OPN4: variants seen among roughly 807,000 people sequenced by gnomAD.
OPN4 encodes opsin 4.
OPN4 carries 43 observed loss-of-function variants against 49.5 expected under a neutral mutation model. The observed-to-expected ratio is 0.87, with a 90% CI of 0.68 to 1.12. The LOEUF (loss-of-function observed/expected upper bound fraction) is 1.12, where lower values mean the gene tolerates loss of function less well. Ranked by LOEUF, OPN4 falls within the 50% of genes most tolerant of loss-of-function variation. OPN4 has a pLI of 0.00. For synonymous variants in OPN4, 263 were observed against 258.0 expected, an observed-to-expected ratio of 1.02 and a Z score of -0.19; for missense variants, 657 against 643.9, an observed-to-expected ratio of 1.02 and a Z score of -0.22.
intron 7 of OPN4, among the ~76,000 whole-genome samples, chr10:86,661,745 C>T (rs1844013588): frequency 7.1e-6 from 1 of 140,832 alleles, no homozygotes; most frequent in South Asian, 2.5e-4. Flanking sequence ...GCAGGGAGAG[C>T]TCAGCTCTGC....
At position 86,659,951 on chromosome 10, in the gene OPN4, A is replaced by T; in HGVS notation, c.857A>T (p.Gln286Leu). 1 of 1,614,186 alleles carries T rather than the reference A, an allele frequency of 6.2e-7. No individual in the cohort carries two copies. The highest frequency in any genetic ancestry group is 8.5e-7 in the Non-Finnish European group (1 of 1,180,030). The change falls in exon 6 of 10, where the codon CAG becomes CTG. Residue 286 changes from glutamine to leucine, a missense_variant. By Grantham distance (113) the Gln-to-Leu change is moderately radical. Coordinates refer to ENST00000241891, the MANE Select transcript of OPN4 (RefSeq NM_033282.4). ...AATGGCGAGTCCCTGTGGCAGCGGC[A>T]GCGGCTGCAGAGCGAGTGCAAGATG... ...KGNGESLWQR[Q>L]RLQSECKMAK... is the part of the protein sequence containing the mutation.
chr10:86,662,279 C>T lies in OPN4; in HGVS notation c.1101C>T (p.Cys367=), dbSNP rs768426883. 6.2e-7 allele frequency: 1 copy of T among 1,609,826 alleles called. No homozygotes were observed. Among genetic ancestry groups the T allele is most frequent in the South Asian group, 1.1e-5 (1 of 90,152 alleles). The part of the protein sequence containing the change: ...YRVAIAQHLP[C]LGVLLGVSRR... ...TGGCCATTGCCCAGCACCTGCCCTG[C>T]CTGGGGGTGCTGCTGGGTGTATCAC... The change falls in exon 8 of 10, where the codon TGC becomes TGT. Residue 367 remains cysteine (C), a synonymous_variant. Transcript: ENST00000241891.
At chr10:86,664,116 G>A (rs748185267) in intron 9 of OPN4, 2 of 278,778 alleles carry the variant, frequency 7.2e-6, no homozygotes, top group Non-Finnish European at 6.8e-6. Context: ...ATGAGGGTAG[G>A]AGGTCTGCAG....
Position 86,658,046 on chromosome 10 carries a change from G to A in OPN4, c.305G>A (p.Arg102Gln), listed in dbSNP as rs375300822. 3.6e-5 allele frequency: 58 copies of A among 1,613,218 alleles called. No individual in the cohort carries two copies. The highest frequency in any genetic ancestry group is 2.6e-4 in the South Asian group (24 of 91,010). The change falls in exon 3 of 10, where the codon CGG becomes CAG. Residue 102 changes from arginine (R) to glutamine (Q), a missense_variant. Arg to Gln is a conservative substitution (Grantham distance 43). Coordinates refer to ENST00000241891, the MANE Select transcript of OPN4 (RefSeq NM_033282.4). ...GATCCTCCCAGGAGCAGAAGCCTCC[G>A]GACACCTGCCAACATGTTCATTATC... ...IYTFCRSRSL[R>Q]TPANMFIINL...
At chr10:86,656,821 T>A (rs1377500178) in intron 2 of OPN4, among the ~76,000 whole-genome samples, 2 of 151,506 alleles carry the variant, frequency 1.3e-5, no homozygotes. Context: ...GGTGTGTGCC[T>A]ATAATCCAAG....
intron 2 of OPN4, among the ~76,000 whole-genome samples, chr10:86,656,774 G>A (rs568744025): frequency 1.8e-4 from 27 of 151,942 alleles, no homozygotes; most frequent in African/African-American, 4.6e-4. Flanking sequence ...TGAAACCCCC[G>A]TCTCTACTAA....
At position 86,658,415 on chromosome 10, in the gene OPN4, G is replaced by T. The variant is rs1843920799; in HGVS notation, c.425-69G>T. 3.3e-6 allele frequency: 5 copies of T among 1,529,742 alleles called. No homozygotes were observed. In the South Asian group the frequency reaches 4.6e-5, roughly 14 times the overall value. The allele number at this position is 1,529,742 out of a possible 1,614,324, so 94.8% of individuals were successfully genotyped here. Reference sequence around the variant, plus strand: ...GTCCTGCTCTTCCTGTGAGGTGAAGGCCAGAGCAGAGTCTACCCTGTCCCC... The same window carrying T: ...GTCCTGCTCTTCCTGTGAGGTGAAGTCCAGAGCAGAGTCTACCCTGTCCCC... On this transcript the variant is annotated intron_variant, in intron 3 of 9. Transcript: ENST00000241891.
At position 86,658,496 on chromosome 10, in the gene OPN4, A is replaced by T. The variant is rs200099863; in HGVS notation, c.437A>T (p.Tyr146Phe). ...WLFGETGCEF[Y>F]AFCGALFGIS... ...GCTGTGCCCACAGGCTGCGAGTTCT[A>T]TGCCTTCTGTGGAGCTCTCTTTGGC... The change falls in exon 4 of 10, where the codon TAT becomes TTT. Residue 146 changes from tyrosine to phenylalanine, a missense_variant. Coordinates refer to ENST00000241891, the MANE Select transcript of OPN4 (RefSeq NM_033282.4). The T allele has an allele frequency of 6.2e-7, 1 of 1,614,128 alleles. No individual in the cohort carries two copies. The highest frequency in any genetic ancestry group is 8.5e-7 in the Non-Finnish European group (1 of 1,180,036).
At chr10:86,665,451 G>A (rs1291446770) in intron 9 of OPN4, among the ~76,000 whole-genome samples, 1 of 152,084 alleles carries the variant, frequency 6.6e-6, no homozygotes, top group East Asian at 1.9e-4. Context: ...GATGGTGGGG[G>A]TGAGGATGGG....
intron 8 of OPN4, among the ~76,000 whole-genome samples, chr10:86,662,842 C>G (rs944022078): frequency 6.6e-6 from 1 of 152,272 alleles, no homozygotes; most frequent in African/African-American, 2.4e-5. Context: ...GCCCCCTCCT[C>G]CTGGGAGACT....
At chr10:86,661,142 C>G in intron 6 of OPN4, 139 bp from the exon 7 acceptor site, 1 of 676,944 alleles carries the variant, frequency 1.5e-6, no homozygotes, top group Admixed American at 2.6e-5. Context: ...CCTGGCACTG[C>G]CAATTCCTCC....
rs1079610 is a variant in OPN4, at chr10:86,662,359, C to T, written c.1181C>T (p.Thr394Ile). ...SYRSTHRSTL[T>I]SHTSNLSWIS... is the part of the protein sequence containing the mutation. ...CGCTCCACCCACCGCTCCACGCTGA[C>T]CAGCCACACCTCCAACCTCAGCTGG... The change falls in exon 8 of 10, where the codon ACC (threonine) becomes ATC (isoleucine). Residue 394 changes from threonine (T) to isoleucine (I), a missense_variant. Thr to Ile is a moderately conservative substitution (Grantham distance 89, BLOSUM62 -1). Transcript: ENST00000241891. 1,048,450 of 1,587,300 alleles carry T rather than the reference C, an allele frequency of 0.66. 348,612 individuals carry two copies. The highest frequency in any genetic ancestry group is 0.8 in the East Asian group (34,796 of 43,620).
At chr10:86,664,526 C>T (rs956683579) in intron 9 of OPN4, among the ~76,000 whole-genome samples, 3 of 152,190 alleles carry the variant, frequency 2.0e-5, no homozygotes. Context: ...CCCAAGCAGC[C>T]CTTCGCCCCA....
At chr10:86,655,900 G>C (rs1366150509) in intron 1 of OPN4, among the ~76,000 whole-genome samples, 3 of 152,270 alleles carry the variant, frequency 2.0e-5, no homozygotes, top group Admixed American at 2.0e-4. Flanking sequence ...TGTCCTACCA[G>C]CCTCCAGCAG....
At chr10:86,659,808 T>C (rs1303473282) in intron 5 of OPN4, 87 bp from the exon 6 acceptor site, 8 of 1,408,452 alleles carry the variant, frequency 5.7e-6, no homozygotes, top group Non-Finnish European at 7.9e-6. Flanking sequence ...GCAAGGATAG[T>C]CCAGAGAGGC....
chr10:86,656,150 C>A lies in OPN4; in HGVS notation c.145-5C>A. 6.2e-7 allele frequency: 1 copy of A among 1,614,168 alleles called. No individual in the cohort carries two copies. Among genetic ancestry groups the A allele is most frequent in the Non-Finnish European group, 8.5e-7 (1 of 1,180,016 alleles). On this transcript the variant is annotated splice_polypyrimidine_tract_variant and splice_region_variant and intron_variant, in intron 1 of 9. Transcript: ENST00000241891. ...TGATTCCCTCGTTTCTCTGTCTCTC[C>A]GCAGGCACCTGGGACTTGGGCTGCT...
chr10:86,661,959 G>A (rs1309410345), intron 7 of OPN4, among the ~76,000 whole-genome samples: 3 of 152,130 alleles, frequency 2.0e-5, no homozygotes, highest in Admixed American at 2.0e-4. Context: ...CCAGAGATGT[G>A]GCTTGAGCCA....
In OPN4 at chr10:86,659,895, G is replaced by A; in HGVS notation, c.801G>A (p.Arg267=). The change falls in exon 6 of 10, where the codon CGG becomes CGA. Residue 267 remains arginine (R), a splice_region_variant and synonymous_variant. Coordinates refer to ENST00000241891, the MANE Select transcript of OPN4 (RefSeq NM_033282.4). ...GACCTGGACGATGCGTCCTTCCTAG[G>A]GCTCTCCAGACCTTCGGGGCCTGCA... ...FIFRAIRETG[R]ALQTFGACKG... is the part of the protein sequence containing the mutation. 6.2e-7 allele frequency: 1 copy of A among 1,614,118 alleles called. No homozygotes were observed. Among genetic ancestry groups the A allele is most frequent in the Non-Finnish European group, 8.5e-7 (1 of 1,180,018 alleles).
At position 86,664,700 on chromosome 10, in the gene OPN4, T is replaced by C. The variant is rs761522471; in HGVS notation, c.1398+898T>C. ...CCTGTGCATCCAAGAACGAAAGCCC[T>C]GGGCTGTACCTGCAGTCGGGGAGCC... On this transcript the variant is annotated intron_variant, in intron 9 of 9. Transcript: ENST00000241891. Among the ~76,000 whole-genome samples the C allele has an allele frequency of 2.1e-4, 32 of 152,320 alleles. 1 individual carries two copies. Among genetic ancestry groups the C allele is most frequent in the South Asian group, 1.2e-3 (6 of 4,826 alleles).
Sources: gnomAD v4.1 joint callset for allele counts (sites outside exome capture counted in the v4.1 genomes callset) on GRCh38, gnomAD v4.1.1 for gene constraint, MANE v1.5 for transcripts, NCBI Gene and HGNC (gene_info 2026-07-23, HGNC 2026-07-21) for gene names.